Variants in PLOD2 observed in about 807,000 individuals in gnomAD.
The protein encoded by PLOD2 is lysine hydroxylase 2.
A neutral mutation model predicts 101.0 loss-of-function variants in PLOD2; 65 were observed. The observed-to-expected ratio is 0.64, with a 90% CI of 0.53 to 0.79. The LOEUF (loss-of-function observed/expected upper bound fraction) is 0.79. Among genes scored for constraint, PLOD2 ranks in the 30% least tolerant of loss-of-function variants. PLOD2 has a pLI of 0.00. For missense variants in PLOD2, 909 were observed against 914.6 expected, an observed-to-expected ratio of 0.99 and a Z score of 0.08; for synonymous variants, 314 against 302.9, an observed-to-expected ratio of 1.04 and a Z score of -0.38.
chr3:146,095,778 T>C (rs549998538), intron 7 of PLOD2, among the ~76,000 whole-genome samples: 1 of 152,150 alleles, frequency 6.6e-6, no homozygotes, highest in South Asian at 2.1e-4. Context: ...TGCAGCACTA[T>C]TTACAATAGC....
chr3:146,072,646 C>A lies in PLOD2; in HGVS notation c.1763G>T (p.Trp588Leu). 1.9e-6 allele frequency: 3 copies of A among 1,605,030 alleles called. No homozygotes were observed. Among genetic ancestry groups the A allele is most frequent in the Non-Finnish European group, 2.6e-6 (3 of 1,172,684 alleles). Reference protein sequence around the residue: ...IVEQPCPDVFWFPIFSEKACD... With the variant: ...IVEQPCPDVFLFPIFSEKACD... ...GGCTTTTTCAGAAAATATGGGGAAC[C>A]AAAAGACATCTGGACAGGGCTATAA... is the stretch of plus-strand genomic sequence containing the variant. Residue 588 changes from tryptophan to leucine, a missense_variant, in exon 17 of 20, where the codon TGG (tryptophan) becomes TTG (leucine). Physicochemically the swap from Trp to Leu is moderately conservative, Grantham distance 61. Coordinates refer to ENST00000282903, the MANE Select transcript of PLOD2 (RefSeq NM_182943.3).
chr3:146,088,502 A>G, intron 9 of PLOD2, 84 bp downstream of exon 9: 1 of 991,296 alleles, frequency 1.0e-6, no homozygotes, highest in Non-Finnish European at 1.5e-6. Flanking sequence ...AACCCAATGA[A>G]TTTTATTTGA....
rs544047668 is a variant in PLOD2, at chr3:146,120,219, A to G, written c.338+893T>C. Among the ~76,000 whole-genome samples the G allele has an allele frequency of 2.8e-3, 426 of 152,164 alleles. 2 individuals are homozygous for G. Among genetic ancestry groups the G allele is most frequent in the African/African-American group, 9.8e-3 (407 of 41,524 alleles). ...TGATGATGAGCATTTTTTCATGTGT[A>G]TTTTGGCTGCATAAATGTCTTCTTT... On this transcript the variant is annotated intron_variant, in intron 3 of 19. Coordinates refer to ENST00000282903, the MANE Select transcript of PLOD2 (RefSeq NM_182943.3).
intron 7 of PLOD2, among the ~76,000 whole-genome samples, chr3:146,096,098 G>A (rs1244129186): frequency 2.7e-5 from 4 of 150,098 alleles, no homozygotes; most frequent in South Asian, 2.1e-4. Context: ...TGTGTTGGCC[G>A]GGCTGGTCTC....
chr3:146,078,986 C>T (rs556918013), intron 13 of PLOD2, 130 bp downstream of exon 13: 3 of 867,742 alleles, frequency 3.5e-6, no homozygotes, highest in East Asian at 2.4e-5. Context: ...TTTTTTAACA[C>T]AGAACCAAAA....
At chr3:146,147,166 A>G (rs532985795) in intron 1 of PLOD2, among the ~76,000 whole-genome samples, 141 of 152,368 alleles carry the variant, frequency 9.3e-4, no homozygotes, top group African/African-American at 3.2e-3. Context: ...ATATTTGCAG[A>G]GAATACTGTA....
In PLOD2 at chr3:146,076,532, C is replaced by G. The variant is rs963893523; in HGVS notation, c.1677+250G>C. ...CTTTGAGAAATCTTCAAACTGCTTT[C>G]CAAATTCATTCCGACCAACAACGTA... On this transcript the variant is annotated intron_variant, in intron 15 of 19. Transcript: ENST00000282903. 4.8e-4 allele frequency: 13 copies of G among 27,326 alleles called. 1 individual carries two copies. The highest frequency in any genetic ancestry group is 0.011 in the Middle Eastern group (1 of 88). The allele number at this position is 27,326 out of a possible 1,614,324, so 1.7% of individuals were successfully genotyped here.
intron 1 of PLOD2, among the ~76,000 whole-genome samples, chr3:146,144,519 ATT>A: frequency 1.3e-5 from 2 of 152,204 alleles, no homozygotes; most frequent in East Asian, 3.9e-4. Context: ...TTATTTAAAT[ATT>A]TTGTTTCATG....
At chr3:146,093,379 G>A (rs965651496) in intron 7 of PLOD2, among the ~76,000 whole-genome samples, 1 of 152,134 alleles carries the variant, frequency 6.6e-6, no homozygotes, top group African/African-American at 2.4e-5. Context: ...TTACAAGGCA[G>A]GAAAGATGTA....
At chr3:146,080,375 T>C (rs994218623) in intron 12 of PLOD2, among the ~76,000 whole-genome samples, 4 of 152,060 alleles carry the variant, frequency 2.6e-5, no homozygotes, top group Non-Finnish European at 4.4e-5. Flanking sequence ...TATCTCAACA[T>C]ATCTTCGTAT....
intron 1 of PLOD2, among the ~76,000 whole-genome samples, chr3:146,127,231 T>C (rs1310753594): frequency 6.6e-6 from 1 of 152,176 alleles, no homozygotes; most frequent in African/African-American, 2.4e-5. Context: ...CATAGGTATA[T>C]TGCATATTGG....
At chr3:146,158,981 G>T (rs1339546595) in intron 1 of PLOD2, among the ~76,000 whole-genome samples, 2 of 152,124 alleles carry the variant, frequency 1.3e-5, no homozygotes, top group Non-Finnish European at 2.9e-5. Flanking sequence ...GTAATTTTCA[G>T]TTGAAACTTG....
At chr3:146,122,446 T>C (rs1040153313) in intron 2 of PLOD2, among the ~76,000 whole-genome samples, 5 of 152,166 alleles carry the variant, frequency 3.3e-5, no homozygotes, top group African/African-American at 1.2e-4. Flanking sequence ...CCACCCTCTA[T>C]GTTCTTTCCA....
chr3:146,132,601 A>T (rs1265516032), intron 1 of PLOD2, among the ~76,000 whole-genome samples: 8 of 150,972 alleles, frequency 5.3e-5, no homozygotes, highest in African/African-American at 1.9e-4. Context: ...TTTTTTTTTT[A>T]GGTTTCCTGA....
chr3:146,138,876 T>C (rs186034033), intron 1 of PLOD2, among the ~76,000 whole-genome samples: 4 of 152,308 alleles, frequency 2.6e-5, no homozygotes, highest in Non-Finnish European at 5.9e-5. Flanking sequence ...TCTTCCAATA[T>C]TACATTTAAC....
intron 1 of PLOD2, among the ~76,000 whole-genome samples, chr3:146,158,264 T>C (rs967826191): frequency 4.6e-5 from 7 of 152,198 alleles, no homozygotes; most frequent in Non-Finnish European, 7.3e-5. Context: ...CATAAGGATA[T>C]AATTTTCAGG....
At chr3:146,094,522 T>C (rs889753917) in intron 7 of PLOD2, among the ~76,000 whole-genome samples, 1 of 152,042 alleles carries the variant, frequency 6.6e-6, no homozygotes, top group Admixed American at 6.6e-5. Context: ...GAATACAACA[T>C]ACGAGGGACG....
chr3:146,155,408 T>A (rs2032255923), intron 1 of PLOD2, among the ~76,000 whole-genome samples: 1 of 152,036 alleles, frequency 6.6e-6, no homozygotes, highest in African/African-American at 2.4e-5. Flanking sequence ...GCAATCTCAA[T>A]AGCTTTGAAA....
intron 2 of PLOD2, among the ~76,000 whole-genome samples, chr3:146,123,656 C>T (rs2030350470): frequency 6.6e-6 from 1 of 150,922 alleles, no homozygotes; most frequent in Non-Finnish European, 1.5e-5. Context: ...ATTATGCAGT[C>T]AGTGAAAAAA....
Sources: gnomAD v4.1 joint callset for allele counts (sites outside exome capture counted in the v4.1 genomes callset) on GRCh38, gnomAD v4.1.1 for gene constraint, MANE v1.5 for transcripts, NCBI Gene and HGNC (gene_info 2026-07-23, HGNC 2026-07-21) for gene names.